IL1RAPL2: variants seen among roughly 807,000 people sequenced by gnomAD.
IL1RAPL2 encodes X-linked interleukin-1 receptor accessory protein-like 2.
In IL1RAPL2, 3 loss-of-function variants were observed where a neutral mutation model predicts 44.1. The ratio of observed to expected loss-of-function variants is 0.07; its 90% CI spans 0.03 to 0.18. The LOEUF is 0.18. Ranked by LOEUF, IL1RAPL2 falls within the 10% of genes least tolerant of loss-of-function variation. The probability of loss-of-function intolerance (pLI) is 1.00; values close to 1 mark genes in which losing one functional copy is unlikely to be tolerated. For missense variants in IL1RAPL2, 391 were observed against 496.4 expected (o/e 0.79, Z 2.02); for synonymous variants, 181 against 178.8 (o/e 1.01, Z -0.10).
At chrX:105,524,393 A>G (rs2036581321) in intron 6 of IL1RAPL2, among the ~76,000 whole-genome samples, 1 of 110,751 alleles carries the variant, frequency 9.0e-6, no homozygotes, top group Admixed American at 9.7e-5. Flanking sequence ...GGCTCCAATA[A>G]TTCAGAATTT....
At chrX:104,623,802 T>C (rs923633216) in intron 1 of IL1RAPL2, among the ~76,000 whole-genome samples, 4 of 112,091 alleles carry the variant, frequency 3.6e-5, no homozygotes, top group Non-Finnish European at 7.5e-5. Context: ...AGAATGGGGC[T>C]GAATTACCAT....
chrX:104,716,991 A>G (rs1423568871), intron 2 of IL1RAPL2, among the ~76,000 whole-genome samples: 2 of 112,120 alleles, frequency 1.8e-5, no homozygotes, highest in East Asian at 5.6e-4. Flanking sequence ...TTTCATCACT[A>G]TTCACAATAG....
intron 1 of IL1RAPL2, among the ~76,000 whole-genome samples, chrX:104,654,703 C>T (rs920438668): frequency 4.1e-4 from 45 of 110,929 alleles, no homozygotes; most frequent in Non-Finnish European, 6.6e-4. Flanking sequence ...TTTCCAATTC[C>T]GTGAAGAAAG....
At chrX:104,756,177 T>C (rs1179442901) in intron 2 of IL1RAPL2, among the ~76,000 whole-genome samples, 1 of 111,453 alleles carries the variant, frequency 9.0e-6, no homozygotes, top group African/African-American at 3.3e-5. Context: ...TAGATTTTTA[T>C]TATTGAAACA....
chrX:105,461,358 G>C (rs1478749261), intron 5 of IL1RAPL2, among the ~76,000 whole-genome samples: 1 of 111,454 alleles, frequency 9.0e-6, no homozygotes, highest in East Asian at 2.8e-4. Flanking sequence ...GAGGAAGCTA[G>C]TGCTAGTGAC....
chrX:105,191,850 A>G (rs2033635819), intron 2 of IL1RAPL2, among the ~76,000 whole-genome samples: 1 of 112,111 alleles, frequency 8.9e-6, no homozygotes, highest in Non-Finnish European at 1.9e-5. Flanking sequence ...GAAGTAGTGA[A>G]ATTCCCTTCC....
At chrX:104,617,131 AG>A (rs1441368735) in intron 1 of IL1RAPL2, among the ~76,000 whole-genome samples, 1 of 111,739 alleles carries the variant, frequency 8.9e-6, no homozygotes, top group Non-Finnish European at 1.9e-5. Flanking sequence ...CTTGAAGCTT[AG>A]GTTGGTGGGA....
chrX:104,731,487 C>G (rs1396135807), intron 2 of IL1RAPL2, among the ~76,000 whole-genome samples: 1 of 111,471 alleles, frequency 9.0e-6, no homozygotes, highest in Non-Finnish European at 1.9e-5. Flanking sequence ...ACTGCAGCCT[C>G]CACCTCCCAG....
At chrX:105,599,867 A>G (rs1341490962) in intron 6 of IL1RAPL2, among the ~76,000 whole-genome samples, 2 of 111,132 alleles carry the variant, frequency 1.8e-5, no homozygotes, top group African/African-American at 6.5e-5. Flanking sequence ...AAAAAAATCC[A>G]TAGTGAATAA....
At chrX:105,430,232 C>T (rs2035838418) in intron 5 of IL1RAPL2, among the ~76,000 whole-genome samples, 1 of 111,566 alleles carries the variant, frequency 9.0e-6, no homozygotes, top group African/African-American at 3.2e-5. Context: ...ACAAAACATA[C>T]CTGGCATTTG....
intron 7 of IL1RAPL2, among the ~76,000 whole-genome samples, chrX:105,721,301 A>G (rs985410519): frequency 9.1e-6 from 1 of 110,278 alleles, no homozygotes; most frequent in Non-Finnish European, 1.9e-5. Flanking sequence ...CTGTAATCCC[A>G]GCTACTCGGG....
chrX:105,693,747 A>AT (rs1425574477), intron 6 of IL1RAPL2, among the ~76,000 whole-genome samples: 1 of 111,833 alleles, frequency 8.9e-6, no homozygotes, highest in Admixed American at 9.5e-5. Flanking sequence ...GATCAGAGTC[A>AT]TAAAAGGAGA....
intron 7 of IL1RAPL2, among the ~76,000 whole-genome samples, chrX:105,732,063 TA>T (rs1387102649): frequency 9.0e-6 from 1 of 111,673 alleles, no homozygotes; most frequent in Non-Finnish European, 1.9e-5. Flanking sequence ...ATGTACAACA[TA>T]AATTAAAAAT....
At chrX:105,308,185 A>G (rs2034766626) in intron 5 of IL1RAPL2, among the ~76,000 whole-genome samples, 1 of 111,526 alleles carries the variant, frequency 9.0e-6, no homozygotes, top group Admixed American at 9.6e-5. Context: ...TTCCATATTC[A>G]TAACATTTTT....
chrX:105,399,462 A>C (rs1360944628), intron 5 of IL1RAPL2, among the ~76,000 whole-genome samples: 1 of 110,784 alleles, frequency 9.0e-6, no homozygotes, highest in Non-Finnish European at 1.9e-5. Context: ...GCTTCTCTCT[A>C]TCATAGAACT....
rs1405732856 is a variant in IL1RAPL2, at chrX:105,195,578, C to T, written c.186C>T (p.Thr62=). Residue 62 remains threonine, a synonymous_variant, in exon 3 of 11, where the codon ACC becomes ACT. Coordinates refer to ENST00000372582, the MANE Select transcript of IL1RAPL2 (RefSeq NM_017416.2). ...CCCTTTTCTACAGTTATATTCGTAC[C>T]AACTATAGCACGGCCCAGAGCACTG... is the stretch of plus-strand genomic sequence containing the variant. The part of the protein sequence containing the change: ...KCALFYSYIR[T]NYSTAQSTGL... The T allele has an allele frequency of 1.3e-5, 16 of 1,210,026 alleles. No homozygotes were observed. Among genetic ancestry groups the T allele is most frequent in the Admixed American group, 4.4e-5 (2 of 45,844 alleles).
At position 105,573,667 on chromosome X, in the gene IL1RAPL2, G is replaced by C. The variant is rs1313109106; in HGVS notation, c.772+89280G>C. 2.7e-5 allele frequency among the ~76,000 whole-genome samples: 3 copies of C among 110,312 alleles called. No individual in the cohort carries two copies. In the Admixed American group the frequency reaches 2.9e-4, roughly 11 times the overall value. ...GGGTAGTGGTACCATTCTCAGAGAG[G>C]GGGAATATAGGAAAGGGGGAAAAAT... On this transcript the variant is annotated intron_variant, in intron 6 of 10. Coordinates refer to ENST00000372582, the MANE Select transcript of IL1RAPL2 (RefSeq NM_017416.2).
At chrX:104,714,091 A>G (rs1931510861) in intron 2 of IL1RAPL2, among the ~76,000 whole-genome samples, 2 of 110,348 alleles carry the variant, frequency 1.8e-5, no homozygotes, top group Admixed American at 1.9e-4. Flanking sequence ...CTCTCTTTCT[A>G]TTTGGGTGCT....
intron 6 of IL1RAPL2, among the ~76,000 whole-genome samples, chrX:105,670,145 A>ATATATATATC (rs2037809440): frequency 2.5e-5 from 1 of 40,252 alleles, no homozygotes; most frequent in Non-Finnish European, 5.4e-5. Context: ...ATATATATAT[A>ATATATATATC]TATCTCCACC....
Sources: allele counts gnomAD v4.1 joint callset (sites outside exome capture counted in the v4.1 genomes callset), GRCh38; gene constraint gnomAD v4.1.1; transcripts MANE v1.5; gene names NCBI Gene and HGNC (gene_info 2026-07-23, HGNC 2026-07-21).